Variants in OTUD3 observed in about 807,000 individuals in gnomAD.
The protein encoded by OTUD3 is OTU deubiquitinase 3.
Under a neutral mutation model 46.2 loss-of-function variants are expected in OTUD3, and 24 were observed. That is an observed-to-expected ratio of 0.52 (90% confidence interval 0.38 to 0.73). The LOEUF is 0.73. OTUD3 is among the 30% of genes least tolerant of loss of function. The pLI is 0.00. For synonymous variants in OTUD3, 189 were observed against 195.4 expected (o/e 0.97, Z 0.27); for missense variants, 455 against 523.3 (o/e 0.87, Z 1.27).
chr1:19,895,083 C>G (rs2045500579), intron 3 of OTUD3, among the ~76,000 whole-genome samples: 1 of 152,134 alleles, frequency 6.6e-6, no homozygotes, highest in Non-Finnish European at 1.5e-5. Flanking sequence ...AACATTGATA[C>G]ATAACTGGAA....
intron 1 of OTUD3, among the ~76,000 whole-genome samples, chr1:19,884,306 A>C (rs76377568): frequency 0.02 from 3,095 of 152,268 alleles, 102 homozygotes; most frequent in African/African-American, 0.07. Flanking sequence ...GAATTAGCAC[A>C]GGGAGTTGTA....
In OTUD3 at chr1:19,894,393, T is replaced by C. The variant is rs2045489039; in HGVS notation, c.396T>C (p.Thr132=). The C allele has an allele frequency of 3.7e-6, 6 of 1,609,666 alleles. No homozygotes were observed. Among genetic ancestry groups the C allele is most frequent in the Non-Finnish European group, 5.1e-6 (6 of 1,177,586 alleles). The change falls in exon 3 of 8, where the codon ACT becomes ACC. Residue 132 remains threonine, a synonymous_variant. Coordinates refer to ENST00000375120, the MANE Select transcript of OTUD3 (RefSeq NM_015207.2). ...KHVASLAKPG[T]FAGNDAIVAF... ...TGGCCAGTTTGGCAAAGCCTGGTAC[T>C]TTTGCTGGCAATGATGCAATTGTAG... is the stretch of plus-strand genomic sequence containing the variant.
In OTUD3 at chr1:19,897,584, A is replaced by G. The variant is rs1292237996; in HGVS notation, c.528A>G (p.Ala176=). 17 of 1,613,950 alleles carry G rather than the reference A, an allele frequency of 1.1e-5. No individual in the cohort carries two copies. In the East Asian group the frequency reaches 2.5e-4, roughly 23 times the overall value. Residue 176 remains alanine (A), a synonymous_variant, in exon 4 of 8, where the codon GCA becomes GCG. Transcript: ENST00000375120. ...EKSSVRELHI[A]YRYGEHYDSV... The stretch of plus-strand genomic sequence containing the variant: ...GCAGCGTGAGGGAGTTACACATCGC[A>G]TATCGGTATGGAGAGCACTACGACA...
At chr1:19,905,355 G>A (rs2045645031) in intron 6 of OTUD3, among the ~76,000 whole-genome samples, 1 of 151,826 alleles carries the variant, frequency 6.6e-6, no homozygotes, top group African/African-American at 2.4e-5. Context: ...TTGTTTTTCT[G>A]GTGGAAATAT....
At chr1:19,900,916 G>GTTTTTTTTTTTTTTT (rs990933093) in intron 4 of OTUD3, among the ~76,000 whole-genome samples, 13 of 115,716 alleles carry the variant, frequency 1.1e-4, no homozygotes, top group East Asian at 2.5e-4. Flanking sequence ...TTTTTTTTTT[G>GTTTTTTTTTTTTTTT]TTTTTTTTTT....
intron 4 of OTUD3, among the ~76,000 whole-genome samples, chr1:19,898,676 C>T (rs534218346): frequency 3.3e-5 from 5 of 149,478 alleles, no homozygotes; most frequent in African/African-American, 9.9e-5. Context: ...TGCAGTGAGT[C>T]GACATAGCAC....
intron 4 of OTUD3, among the ~76,000 whole-genome samples, chr1:19,898,418 G>GT (rs2045544752): frequency 6.6e-6 from 1 of 151,820 alleles, no homozygotes; most frequent in Non-Finnish European, 1.5e-5. Context: ...ATATAGCTTT[G>GT]TTTCCTGTTT....
In OTUD3 at chr1:19,907,876, A is replaced by C. The variant is rs923063450; in HGVS notation, c.*130A>C. The C allele has an allele frequency of 2.7e-6, 2 of 746,494 alleles. No individual in the cohort carries two copies. Among genetic ancestry groups the C allele is most frequent in the Admixed American group, 6.3e-5 (2 of 31,764 alleles). The allele number at this position is 746,494 out of a possible 1,614,324, so 46.2% of individuals were successfully genotyped here. A position where few individuals can be genotyped will look rare whatever the true frequency, so the allele number is the denominator to read the frequency against. On this transcript the variant is annotated 3_prime_UTR_variant, in exon 8 of 8. Transcript: ENST00000375120. ...AGCCCACACATGAGCTCACACACTGAGTTAGTTTCGTTCAAGCTGCCTCTT... is the reference window on the plus strand; with the variant it reads ...AGCCCACACATGAGCTCACACACTGCGTTAGTTTCGTTCAAGCTGCCTCTT...
In OTUD3 at chr1:19,890,635, A is replaced by G. The variant is rs960635233; in HGVS notation, c.370+102A>G. ...CCCAGCCAAGGGTTTGGTTATATAA[A>G]TCACGACATTCATTTATTCAAGAAA... On this transcript the variant is annotated intron_variant, in intron 2 of 7. Transcript: ENST00000375120. 3.2e-5 allele frequency: 32 copies of G among 1,009,876 alleles called. No homozygotes were observed. In the East Asian group the frequency reaches 6.9e-4, roughly 22 times the overall value. The allele number at this position is 1,009,876 out of a possible 1,614,324, so 62.6% of individuals were successfully genotyped here.
intron 3 of OTUD3, among the ~76,000 whole-genome samples, chr1:19,895,181 T>C (rs928395741): frequency 2.0e-5 from 3 of 152,256 alleles, no homozygotes; most frequent in African/African-American, 2.4e-5. Context: ...TTCTGTGTTA[T>C]TAGCATAAAG....
chr1:19,905,460 C>T (rs115565185), intron 6 of OTUD3, among the ~76,000 whole-genome samples: 2,514 of 151,620 alleles, frequency 0.017, 74 homozygotes, highest in African/African-American at 0.056. Flanking sequence ...AGAGATGTAA[C>T]GGCTGGGTGT....
Position 19,890,513 on chromosome 1 carries a change from A to C in OTUD3, c.350A>C (p.Asp117Ala). 6.2e-7 allele frequency: 1 copy of C among 1,613,910 alleles called. No individual in the cohort carries two copies. The highest frequency in any genetic ancestry group is 8.5e-7 in the Non-Finnish European group (1 of 1,179,796). ...GATTTTGAACCCTTTGTAGAAGATG[A>C]CATTCCTTTTGAGAAGCATGGTAGG... is the stretch of plus-strand genomic sequence containing the variant. The part of the protein sequence containing the change: ...REDFEPFVED[D>A]IPFEKHVASL... The change falls in exon 2 of 8, where the codon GAC becomes GCC. Residue 117 changes from aspartate to alanine, a missense_variant. Physicochemically the swap from Asp to Ala is moderately radical, Grantham distance 126. Transcript: ENST00000375120.
chr1:19,903,040 C>CTTTTTTTTTTTTTTTTTTTTTTTTT (rs36114504), intron 4 of OTUD3, among the ~76,000 whole-genome samples: 2 of 58,052 alleles, frequency 3.4e-5, no homozygotes, highest in African/African-American at 7.1e-5. Flanking sequence ...AATCTTTTCT[C>CTTTTTTTTTTTTTTTTTTTTTTTTT]TTTTTTTTTT....
At chr1:19,903,922 G>A (rs2045623747) in intron 4 of OTUD3, among the ~76,000 whole-genome samples, 1 of 152,182 alleles carries the variant, frequency 6.6e-6, no homozygotes, top group African/African-American at 2.4e-5. Flanking sequence ...ATAGAGGATC[G>A]TTTTCTGTTA....
intron 1 of OTUD3, among the ~76,000 whole-genome samples, chr1:19,889,489 C>G (rs1326303855): frequency 6.6e-6 from 1 of 152,206 alleles, no homozygotes; most frequent in South Asian, 2.1e-4. Flanking sequence ...GAAGAGTAAA[C>G]AGTTGGGTGT....
rs2045659167 is a variant in OTUD3, at chr1:19,906,202, G to A, written c.836-230G>A. On this transcript the variant is annotated intron_variant, in intron 6 of 7. Coordinates refer to ENST00000375120, the MANE Select transcript of OTUD3 (RefSeq NM_015207.2). Reference sequence around the variant, plus strand: ...TATCTAAAAAGCACTCTGCTGGTTGGAAGCTGATCAAAAGGCTGGTCAGTG... The same window carrying A: ...TATCTAAAAAGCACTCTGCTGGTTGAAAGCTGATCAAAAGGCTGGTCAGTG... Among the ~76,000 whole-genome samples, 4 of 152,176 alleles carry A rather than the reference G, an allele frequency of 2.6e-5. No individual in the cohort carries two copies. The South Asian group carries it at 8.3e-4, about 32-fold the overall frequency.
At position 19,910,242 on chromosome 1, in the gene OTUD3, CTG is replaced by C. The variant is rs749284123; in HGVS notation, c.*2500_*2501del. The C allele has an allele frequency of 6.6e-6, 1 of 152,458 alleles. No homozygotes were observed. The highest frequency in any genetic ancestry group is 2.1e-4 in the South Asian group (1 of 4,824). The allele number at this position is 152,458 out of a possible 1,614,324, so 9.4% of individuals were successfully genotyped here. ...TTAGGAACTGAATGTGTCTTAACCT[CTG>C]TGTTACATCTTGGCTGGCAGAGATT... On this transcript the variant is annotated 3_prime_UTR_variant, in exon 8 of 8. Transcript: ENST00000375120.
chr1:19,901,001 C>G (rs1050252896), intron 4 of OTUD3, among the ~76,000 whole-genome samples: 4 of 150,436 alleles, frequency 2.7e-5, no homozygotes, highest in Non-Finnish European at 4.4e-5. Flanking sequence ...CCTCTGCCTC[C>G]CGGGTTCAAG....
In OTUD3 at chr1:19,893,594, C is replaced by T. The variant is rs2045478677; in HGVS notation, c.371-774C>T. On this transcript the variant is annotated intron_variant, in intron 2 of 7. Transcript: ENST00000375120. ...TCTAAGTGGTTGAACTCAGTCTCCC[C>T]TCTCACCCTATCACCACCACAAAGG... is the stretch of plus-strand genomic sequence containing the variant. Among the ~76,000 whole-genome samples the T allele has an allele frequency of 2.6e-5, 4 of 152,186 alleles. No homozygotes were observed. In the South Asian group the frequency reaches 8.3e-4, roughly 31 times the overall value.
Sources: gnomAD v4.1 joint callset for allele counts (sites outside exome capture counted in the v4.1 genomes callset) on GRCh38, gnomAD v4.1.1 for gene constraint, MANE v1.5 for transcripts, NCBI Gene and HGNC (gene_info 2026-07-23, HGNC 2026-07-21) for gene names.